ESF1: variants seen among roughly 807,000 people sequenced by gnomAD.
ESF1 encodes ESF1 homolog.
A neutral mutation model predicts 92.0 loss-of-function variants in ESF1; 58 were observed. That is an observed-to-expected ratio of 0.63 (90% CI 0.51 to 0.78). ESF1 has a LOEUF of 0.78. Among genes scored for constraint, ESF1 ranks in the 30% least tolerant of loss-of-function variants. The pLI, the probability that ESF1 is intolerant of heterozygous loss-of-function variation, is 0.00. For synonymous variants in ESF1, 321 were observed against 313.7 expected (o/e 1.02, Z -0.24); for missense variants, 922 against 989.1 (o/e 0.93, Z 0.91).
chr20:13,727,167 A>G (rs2049905942), intron 11 of ESF1, among the ~76,000 whole-genome samples: 1 of 152,216 alleles, frequency 6.6e-6, no homozygotes, highest in South Asian at 2.1e-4. Flanking sequence ...GAGAACAAGG[A>G]AACTATAATG....
At chr20:13,766,501 A>C (rs1879774471) in intron 8 of ESF1, among the ~76,000 whole-genome samples, 1 of 152,214 alleles carries the variant, frequency 6.6e-6, no homozygotes, top group South Asian at 2.1e-4. Flanking sequence ...GAGATGCCTA[A>C]AAGATTGTTT....
intron 2 of ESF1, among the ~76,000 whole-genome samples, chr20:13,778,961 A>T (rs561973227): frequency 1.3e-5 from 2 of 152,176 alleles, no homozygotes; most frequent in Non-Finnish European, 1.5e-5. Flanking sequence ...TGGGAGAATC[A>T]CCTGGGCCCA....
intron 9 of ESF1, among the ~76,000 whole-genome samples, chr20:13,759,293 T>A (rs1403233982): frequency 6.6e-6 from 1 of 152,232 alleles, no homozygotes; most frequent in East Asian, 1.9e-4. Context: ...TCGAAGACTA[T>A]GTAATACATA....
intron 9 of ESF1, among the ~76,000 whole-genome samples, chr20:13,749,661 G>A (rs1978533640): frequency 6.6e-6 from 1 of 152,064 alleles, no homozygotes; most frequent in Non-Finnish European, 1.5e-5. Context: ...CACTTGCCGG[G>A]TTCAAGAGAT....
intron 1 of ESF1, among the ~76,000 whole-genome samples, chr20:13,783,926 C>T (rs1458989400): frequency 6.6e-6 from 1 of 152,212 alleles, no homozygotes; most frequent in African/African-American, 2.4e-5. Context: ...CAACAAACAG[C>T]CTTTAGTTCT....
chr20:13,764,930 A>C (rs6110030), intron 8 of ESF1, among the ~76,000 whole-genome samples: 52,183 of 150,728 alleles, frequency 0.35, 9,187 homozygotes, highest in Middle Eastern at 0.51. Context: ...AAAAAAAAAA[A>C]CAAAAACAAA....
rs1015428154 is a variant in ESF1, at chr20:13,777,803, T to C, written c.638-1533A>G. 2.8e-3 allele frequency among the ~76,000 whole-genome samples: 21 copies of C among 7,470 alleles called. No homozygotes were observed. The Non-Finnish European group carries it at 0.085, about 30-fold the overall frequency. The allele number at this position is 7,470 out of a possible 152,430, so 4.9% of individuals were successfully genotyped here. On this transcript the variant is annotated intron_variant, in intron 2 of 13. Coordinates refer to ENST00000617257, the MANE Select transcript of ESF1 (RefSeq NM_001276380.2). ...TTTTACTCATCTTTAAGTTGGAGCT[T>C]ATTTTCTGCTTACAGGCTCTAAGTT...
chr20:13,776,080 TTCATCATCTTCA>T lies in ESF1; in HGVS notation c.816_827del (p.Ser272_Glu276delinsArg). 1.9e-6 allele frequency: 3 copies of T among 1,613,660 alleles called. No homozygotes were observed. The highest frequency in any genetic ancestry group is 2.5e-6 in the Non-Finnish European group (3 of 1,179,682). On this transcript the variant is annotated inframe_deletion, in exon 3 of 14. Coordinates refer to ENST00000617257, the MANE Select transcript of ESF1 (RefSeq NM_001276380.2). ...CCTCCTCTTCATCTTCATCCTCCTC[TTCATCATCTTCA>T]CTTCCATCGTCATCACCTGAAGCTC...
intron 9 of ESF1, among the ~76,000 whole-genome samples, chr20:13,755,873 A>T (rs181379418): frequency 6.6e-6 from 1 of 152,360 alleles, no homozygotes; most frequent in Admixed American, 6.5e-5. Flanking sequence ...CTAAACTAGA[A>T]TTTCTTCTGA....
intron 3 of ESF1, 130 bp from the exon 4 acceptor site, chr20:13,775,400 C>T (rs566372057): frequency 5.5e-5 from 30 of 544,708 alleles, no homozygotes; most frequent in South Asian, 3.7e-4. Flanking sequence ...GTTATCTAAG[C>T]GTAATTCAGT....
intron 7 of ESF1, among the ~76,000 whole-genome samples, chr20:13,767,729 T>C (rs1022718689): frequency 6.6e-6 from 1 of 152,190 alleles, no homozygotes; most frequent in Non-Finnish European, 1.5e-5. Flanking sequence ...TAAACCTCCA[T>C]GATACATGAA....
At chr20:13,737,848 G>T (rs1284277204) in intron 9 of ESF1, among the ~76,000 whole-genome samples, 2 of 152,146 alleles carry the variant, frequency 1.3e-5, no homozygotes, top group Admixed American at 1.3e-4. Flanking sequence ...GTAGAGACAG[G>T]GTTCGCCATG....
At chr20:13,758,568 A>T (rs933023837) in intron 9 of ESF1, among the ~76,000 whole-genome samples, 2 of 152,190 alleles carry the variant, frequency 1.3e-5, no homozygotes, top group Non-Finnish European at 2.9e-5. Context: ...CCACGCAAAC[A>T]TATGTTTTAT....
chr20:13,775,189 T>C lies in ESF1; in HGVS notation c.1117A>G (p.Lys373Glu). ...KDLLALFNSFKPKGGVIFSVK... is the reference protein window; with the variant it reads ...KDLLALFNSFEPKGGVIFSVK... ...GAAAATATTACACCTCCTTTGGGTT[T>C]AAATGAATTGAACAGAGCCAGCAAA... The change falls in exon 4 of 14, where the codon AAA becomes GAA. Residue 373 changes from lysine to glutamate, a missense_variant. Physicochemically the swap from Lys to Glu is moderately conservative, Grantham distance 56. Transcript: ENST00000617257. The C allele has an allele frequency of 1.9e-6, 3 of 1,608,568 alleles. No individual in the cohort carries two copies. In the South Asian group the frequency reaches 3.3e-5, roughly 18 times the overall value.
At chr20:13,737,164 TA>T (rs1011795527) in intron 9 of ESF1, among the ~76,000 whole-genome samples, 2 of 152,206 alleles carry the variant, frequency 1.3e-5, no homozygotes, top group Admixed American at 6.5e-5. Context: ...CAAATTTGTT[TA>T]AAAAATTTTA....
At chr20:13,735,550 AAGC>A (rs1175422807) in intron 9 of ESF1, among the ~76,000 whole-genome samples, 1 of 152,148 alleles carries the variant, frequency 6.6e-6, no homozygotes, top group Non-Finnish European at 1.5e-5. Flanking sequence ...ATTTGAGAGA[AAGC>A]AGCAAATTCT....
At chr20:13,749,950 C>T (rs1978553996) in intron 9 of ESF1, among the ~76,000 whole-genome samples, 1 of 152,120 alleles carries the variant, frequency 6.6e-6, no homozygotes, top group Non-Finnish European at 1.5e-5. Context: ...AGGAAAGTAC[C>T]CTCTCACTCC....
At chr20:13,751,922 G>C (rs6110027) in intron 9 of ESF1, among the ~76,000 whole-genome samples, 2 of 152,124 alleles carry the variant, frequency 1.3e-5, no homozygotes, top group Non-Finnish European at 2.9e-5. Context: ...TTGAACCTAC[G>C]AGGCGGAGGT....
At chr20:13,745,683 C>T (rs1324702048) in intron 9 of ESF1, among the ~76,000 whole-genome samples, 1 of 152,114 alleles carries the variant, frequency 6.6e-6, no homozygotes, top group African/African-American at 2.4e-5. Context: ...AACTCCTGAC[C>T]TCAGGTGATC....
Sources: gnomAD v4.1 joint callset for allele counts (sites outside exome capture counted in the v4.1 genomes callset) on GRCh38, gnomAD v4.1.1 for gene constraint, MANE v1.5 for transcripts, NCBI Gene and HGNC (gene_info 2026-07-23, HGNC 2026-07-21) for gene names.